The following NHSL3 variants were observed in gnomAD, a reference collection of about 807,000 sequenced individuals.
NHSL3 encodes the protein NHS like 3.
At chr1:32,751,555 G>T in the NHSL3 span, among the ~76,000 whole-genome samples, 2 of 152,208 alleles carry the variant, frequency 1.3e-5, no homozygotes, top group Admixed American at 1.3e-4. Flanking sequence ...AACACGGGGT[G>T]CAGGGGAGCC....
chr1:32,772,654 C>T, the NHSL3 span, among the ~76,000 whole-genome samples: 2 of 152,204 alleles, frequency 1.3e-5, no homozygotes, highest in African/African-American at 4.8e-5. Flanking sequence ...GCCTCTTTCC[C>T]TACCCTTCCT....
At chr1:32,753,353 T>C in the NHSL3 span, among the ~76,000 whole-genome samples, 1 of 151,456 alleles carries the variant, frequency 6.6e-6, no homozygotes, top group South Asian at 2.1e-4. Context: ...GGCATGGTGG[T>C]GCGCACCTGT....
chr1:32,758,499 C>T, the NHSL3 span, among the ~76,000 whole-genome samples: 1 of 152,076 alleles, frequency 6.6e-6, no homozygotes, highest in Admixed American at 6.5e-5. Flanking sequence ...CCATTCCCCC[C>T]ATGTCTCGTC....
the NHSL3 span, among the ~76,000 whole-genome samples, chr1:32,752,248 CAGAG>C: frequency 0.09 from 13,628 of 152,156 alleles, 661 homozygotes; most frequent in South Asian, 0.11. Flanking sequence ...AGAAGGGCCT[CAGAG>C]AGAGTTGGGT....
the NHSL3 span, chr1:32,773,007 C>G: frequency 1.1e-6 from 1 of 951,760 alleles, no homozygotes. Flanking sequence ...CGCCTGCAGC[C>G]TTAACCTCCA....
At chr1:32,769,835 G>C in the NHSL3 span, 17 of 1,610,910 alleles carry the variant, frequency 1.1e-5, no homozygotes, top group East Asian at 3.6e-4. Flanking sequence ...GGGAGCCTTG[G>C]TCATCCCCTC....
chr1:32,770,952 C>G, the NHSL3 span: 1 of 1,603,102 alleles, frequency 6.2e-7, no homozygotes, highest in Non-Finnish European at 8.5e-7. This position sits in a 1 kb window ranked among gnomAD's most constrained non-coding sequence, Gnocchi z 8.3. Context: ...GTGGTACTCC[C>G]ACCCTCCCTC....
At chr1:32,762,333 C>T in the NHSL3 span, among the ~76,000 whole-genome samples, 36 of 152,152 alleles carry the variant, frequency 2.4e-4, no homozygotes, top group South Asian at 6.2e-4. Context: ...GAGAGGTGTC[C>T]TTAGGCACGG....
At chr1:32,767,363 G>A in the NHSL3 span, among the ~76,000 whole-genome samples, 1 of 152,126 alleles carries the variant, frequency 6.6e-6, no homozygotes, top group Non-Finnish European at 1.5e-5. Flanking sequence ...ATACAGAGCA[G>A]GGACTGTGGG....
the NHSL3 span, among the ~76,000 whole-genome samples, chr1:32,755,252 T>G: frequency 5.5e-4 from 84 of 151,960 alleles, no homozygotes; most frequent in Admixed American, 6.6e-4. Context: ...AGATAGAGGG[T>G]CTTCAACATA....
the NHSL3 span, chr1:32,765,675 T>TC: frequency 7.8e-6 from 12 of 1,537,234 alleles, no homozygotes; most frequent in Middle Eastern, 5.1e-4. Flanking sequence ...AGGGCTCGCA[T>TC]CCCCATAGTG....
the NHSL3 span, chr1:32,765,781 C>T: frequency 6.5e-7 from 1 of 1,547,626 alleles, no homozygotes; most frequent in Non-Finnish European, 8.7e-7. Flanking sequence ...TGGTGGTGTT[C>T]GTTGGCCGCC....
At chr1:32,765,830 G>A in the NHSL3 span, 48 of 1,546,250 alleles carry the variant, frequency 3.1e-5, no homozygotes, top group East Asian at 1.0e-3. Flanking sequence ...GAAGAAGGGT[G>A]AGTGGGTGTG....
chr1:32,759,600 A>G, the NHSL3 span, among the ~76,000 whole-genome samples: 22 of 152,268 alleles, frequency 1.4e-4, no homozygotes, highest in East Asian at 4.3e-3. Flanking sequence ...TATTTACCTT[A>G]GAACCGGCCT....
At chr1:32,771,664 C>T in the NHSL3 span, 3 of 1,610,796 alleles carry the variant, frequency 1.9e-6, no homozygotes, top group Non-Finnish European at 1.7e-6. Context: ...GCAGATTCAG[C>T]CCCCGGGTAG....
the NHSL3 span, chr1:32,772,892 C>T: frequency 6.2e-7 from 1 of 1,614,082 alleles, no homozygotes; most frequent in Non-Finnish European, 8.5e-7. Flanking sequence ...GCCTGACCAC[C>T]AGGCACCTCA....
At chr1:32,758,670 C>G in the NHSL3 span, among the ~76,000 whole-genome samples, 2 of 152,084 alleles carry the variant, frequency 1.3e-5, no homozygotes, top group African/African-American at 4.8e-5. Flanking sequence ...GGAAGGGAAG[C>G]ACTGACCCCC....
chr1:32,769,547 C>G, the NHSL3 span: 5 of 766,340 alleles, frequency 6.5e-6, no homozygotes, highest in South Asian at 3.0e-5. Context: ...TTTAACCTAG[C>G]CTTGCCCATA....
At chr1:32,753,996 C>A in the NHSL3 span, 2 of 412,056 alleles carry the variant, frequency 4.9e-6, no homozygotes, top group Non-Finnish European at 8.8e-6. Context: ...GGTGCCCGCC[C>A]GCGAGTCTCG....
Sources: gnomAD v4.1 joint callset for allele counts (sites outside exome capture counted in the v4.1 genomes callset) on GRCh38, gnomAD v4.1.1 for gene constraint, Gnocchi (gnomAD v3.1) non-coding constraint, MANE v1.5 for transcripts, NCBI Gene and HGNC (gene_info 2026-07-23, HGNC 2026-07-21) for gene names.